The following IMPA1 variants were observed in gnomAD, a reference collection of about 807,000 sequenced individuals.
The protein encoded by IMPA1 is inositol monophosphatase 1, also known as D-galactose 1-phosphate phosphatase.
Under a neutral mutation model 34.9 loss-of-function variants are expected in IMPA1, and 21 were observed. That is an observed-to-expected ratio of 0.60 (90% CI 0.43 to 0.87). The LOEUF (loss-of-function observed/expected upper bound fraction) is 0.87, where lower values mean the gene tolerates loss of function less well. IMPA1 is among the 40% of genes least tolerant of loss of function. The pLI, the probability that IMPA1 is intolerant of heterozygous loss-of-function variation, is 0.00. For missense variants in IMPA1, 299 were observed against 336.4 expected, an observed-to-expected ratio of 0.89 and a Z score of 0.87; for synonymous variants, 95 against 104.4, an observed-to-expected ratio of 0.91 and a Z score of 0.55.
intron 6 of IMPA1, among the ~76,000 whole-genome samples, chr8:81,671,671 G>A (rs936785507): frequency 2.0e-5 from 3 of 152,086 alleles, no homozygotes; most frequent in Non-Finnish European, 4.4e-5. Context: ...GCGGAGGCAG[G>A]CAGATCACGA....
At chr8:81,659,768 A>G (rs1343892629) in intron 8 of IMPA1, among the ~76,000 whole-genome samples, 1 of 152,164 alleles carries the variant, frequency 6.6e-6, no homozygotes, top group Non-Finnish European at 1.5e-5. Flanking sequence ...TGTGAATCCA[A>G]TGCATTTTCA....
At chr8:81,685,877 C>G (rs1390457432) in intron 1 of IMPA1, 2 of 1,548,522 alleles carry the variant, frequency 1.3e-6, no homozygotes, top group Non-Finnish European at 8.7e-7. Context: ...GTCCCAGCAC[C>G]GCGACTGCGG....
At chr8:81,664,250 C>A (rs1324687189) in intron 7 of IMPA1, among the ~76,000 whole-genome samples, 3 of 151,972 alleles carry the variant, frequency 2.0e-5, no homozygotes, top group East Asian at 3.9e-4. Flanking sequence ...TCCCTGTATA[C>A]CCTCCTGGAA....
chr8:81,669,553 G>A (rs150840082), intron 7 of IMPA1, among the ~76,000 whole-genome samples: 2,357 of 152,254 alleles, frequency 0.015, 51 homozygotes, highest in Non-Finnish European at 0.018. Flanking sequence ...CTAATTTTCC[G>A]TTTTGGAATG....
rs909361805 is a variant in IMPA1 at position 81,686,166 on chromosome 8, C to A, written c.-25+86G>T. 30 of 942,996 alleles carry A rather than the reference C, an allele frequency of 3.2e-5. 1 individual carries two copies. In the South Asian group the frequency reaches 9.8e-4, roughly 31 times the overall value. 58.4% of individuals were successfully genotyped at this position (942,996 alleles called of 1,614,324 possible). ...GCCGACCGCGCACGGCGCTCGCGCC[C>A]GCTCCTGAGGAGGGAAGGGGCCTCC... On this transcript the variant is annotated intron_variant, in intron 1 of 8. Coordinates refer to ENST00000256108, the MANE Select transcript of IMPA1 (RefSeq NM_005536.4).
intron 7 of IMPA1, among the ~76,000 whole-genome samples, chr8:81,669,801 T>C (rs902605017): frequency 1.3e-5 from 2 of 152,220 alleles, no homozygotes; most frequent in African/African-American, 2.4e-5. Context: ...AAAACTCATA[T>C]GGAAACTTAA....
chr8:81,675,918 G>A lies in IMPA1; in HGVS notation c.348+316C>T, dbSNP rs570838272. ...CCAGCTCAAATCTCACCTCTTCCAC[G>A]AAGCATTTAAGATCACATATAAACT... is the stretch of plus-strand genomic sequence containing the variant. On this transcript the variant is annotated intron_variant, in intron 5 of 8. Transcript: ENST00000256108. 5.3e-5 allele frequency among the ~76,000 whole-genome samples: 8 copies of A among 152,218 alleles called. No individual in the cohort carries two copies. The South Asian group carries it at 1.5e-3, about 28-fold the overall frequency.
intron 7 of IMPA1, among the ~76,000 whole-genome samples, chr8:81,666,959 G>A (rs1175864032): frequency 7.2e-6 from 1 of 138,366 alleles, no homozygotes; most frequent in African/African-American, 2.7e-5. Flanking sequence ...ACAAGACAAA[G>A]AATACGTAAA....
At chr8:81,660,119 G>C (rs1585886459) in intron 8 of IMPA1, among the ~76,000 whole-genome samples, 1 of 152,136 alleles carries the variant, frequency 6.6e-6, no homozygotes, top group East Asian at 1.9e-4. Context: ...CGGCTGATGA[G>C]CTAAAAAAAA....
chr8:81,660,888 T>C (rs1050659330), intron 7 of IMPA1, among the ~76,000 whole-genome samples: 1 of 152,124 alleles, frequency 6.6e-6, no homozygotes, highest in African/African-American at 2.4e-5. Context: ...AATAATTTAA[T>C]AAGATAAACA....
rs1276972733 is a variant in IMPA1 at position 81,662,582 on chromosome 8, GT to G, written c.567-1916del. Among the ~76,000 whole-genome samples, 10 of 152,266 alleles carry G rather than the reference GT, an allele frequency of 6.6e-5. No individual in the cohort carries two copies. The East Asian group carries it at 1.9e-3, about 29-fold the overall frequency. On this transcript the variant is annotated intron_variant, in intron 7 of 8. Transcript: ENST00000256108. ...TATGTGGTCCTCCTATACAGCTGTG[GT>G]CCGCCTATGCAGCTAACATGGCACA...
chr8:81,681,906 AT>A (rs1318577309), intron 1 of IMPA1, among the ~76,000 whole-genome samples: 5 of 152,304 alleles, frequency 3.3e-5, no homozygotes, highest in South Asian at 2.1e-4. Context: ...AGTTAGGATA[AT>A]ATTTTGGAGG....
chr8:81,660,594 T>C lies in IMPA1; in HGVS notation c.640A>G (p.Met214Val), dbSNP rs1806641399. The C allele has an allele frequency of 6.2e-7, 1 of 1,613,764 alleles. No individual in the cohort carries two copies. Among genetic ancestry groups the C allele is most frequent in the Non-Finnish European group, 8.5e-7 (1 of 1,179,690 alleles). Reference protein sequence around the residue: ...ATGGADAYYEMGIHCWDVAGA... With the variant: ...ATGGADAYYEVGIHCWDVAGA... ...GCAACATCCCAGCAGTGAATTCCCA[T>C]TTCATAATATGCATCTGCTCCGCCA... is the stretch of plus-strand genomic sequence containing the variant. Residue 214 changes from methionine to valine, a missense_variant, in exon 8 of 9, where the codon ATG (methionine) becomes GTG (valine). Coordinates refer to ENST00000256108, the MANE Select transcript of IMPA1 (RefSeq NM_005536.4).
chr8:81,680,798 T>TG lies in IMPA1; in HGVS notation c.64-16dup, dbSNP rs753495646. On this transcript the variant is annotated splice_polypyrimidine_tract_variant and intron_variant, in intron 2 of 8. Transcript: ENST00000256108. ...TCACAAACTACCTAAAAAGAGGTTT[T>TG]GGTAAGCAAATAGAAAAGGCATAAT... 2 of 1,573,250 alleles carry TG rather than the reference T, an allele frequency of 1.3e-6. No homozygotes were observed.
At chr8:81,675,683 C>T (rs1716579216) in intron 5 of IMPA1, among the ~76,000 whole-genome samples, 1 of 152,218 alleles carries the variant, frequency 6.6e-6, no homozygotes, top group African/African-American at 2.4e-5. Flanking sequence ...CCATCCTTTA[C>T]TGTTTGACCA....
chr8:81,675,453 T>C (rs988834636), intron 5 of IMPA1, among the ~76,000 whole-genome samples: 7 of 152,180 alleles, frequency 4.6e-5, no homozygotes, highest in Non-Finnish European at 1.0e-4. Flanking sequence ...TGCTGAGCTG[T>C]TGAGTTCAGT....
intron 3 of IMPA1, among the ~76,000 whole-genome samples, chr8:81,679,568 G>A (rs993678915): frequency 2.7e-5 from 4 of 150,008 alleles, no homozygotes; most frequent in African/African-American, 7.4e-5. Context: ...AGCCGAGATC[G>A]TGCCACTGCA....
intron 7 of IMPA1, among the ~76,000 whole-genome samples, chr8:81,662,205 T>C (rs1251614403): frequency 1.3e-5 from 2 of 152,194 alleles, no homozygotes; most frequent in Non-Finnish European, 2.9e-5. Flanking sequence ...TTAACTTTAG[T>C]GGCAGTTTTT....
intron 6 of IMPA1, 26 bp downstream of exon 6, chr8:81,673,815 G>C (rs755604618): frequency 2.5e-6 from 3 of 1,217,346 alleles, no homozygotes; most frequent in South Asian, 1.2e-5. Flanking sequence ...AATATGAATA[G>C]CATCAAAAAT....
Sources: gnomAD v4.1 joint callset for allele counts (sites outside exome capture counted in the v4.1 genomes callset) on GRCh38, gnomAD v4.1.1 for gene constraint, MANE v1.5 for transcripts, NCBI Gene and HGNC (gene_info 2026-07-23, HGNC 2026-07-21) for gene names.